The following BLTP3A variants were observed in gnomAD, a reference collection of about 807,000 sequenced individuals.
BLTP3A encodes ICBP90 binding protein 1.
chr6:34,819,814 TAGTG>T, the BLTP3A span, among the ~76,000 whole-genome samples: 1 of 152,036 alleles, frequency 6.6e-6, no homozygotes, highest in Non-Finnish European at 1.5e-5. Context: ...CAGTGAGAAA[TAGTG>T]AGAGGACTGG....
At chr6:34,861,473 T>C in the BLTP3A span, among the ~76,000 whole-genome samples, 1 of 152,194 alleles carries the variant, frequency 6.6e-6, no homozygotes, top group Non-Finnish European at 1.5e-5. Flanking sequence ...GTTTATCGTG[T>C]TGACAGTGTA....
chr6:34,864,285 G>A, the BLTP3A span: 37 of 1,262,670 alleles, frequency 2.9e-5, no homozygotes, highest in Non-Finnish European at 3.8e-5. Flanking sequence ...GGCTAAAGAG[G>A]AGCTGAGAGA....
chr6:34,792,282 A>C, the BLTP3A span: 1 of 1,545,040 alleles, frequency 6.5e-7, no homozygotes. Context: ...CAGATCCTGA[A>C]ACACCTGTCC....
chr6:34,867,431 T>C, the BLTP3A span: 1 of 1,613,658 alleles, frequency 6.2e-7, no homozygotes, highest in Middle Eastern at 1.7e-4. Flanking sequence ...GGCTGAGAGC[T>C]TGGGACTTAA....
chr6:34,809,659 G>C, the BLTP3A span, among the ~76,000 whole-genome samples: 1 of 151,942 alleles, frequency 6.6e-6, no homozygotes, highest in Non-Finnish European at 1.5e-5. Context: ...TCTGCCTCCC[G>C]GGTTCAAGCG....
chr6:34,857,977 G>A, the BLTP3A span: 1 of 1,585,146 alleles, frequency 6.3e-7, no homozygotes, highest in Non-Finnish European at 8.6e-7. Context: ...TTTTCCAATG[G>A]ATATAATCCA....
At chr6:34,825,317 T>TC in the BLTP3A span, among the ~76,000 whole-genome samples, 1,143 of 152,046 alleles carry the variant, frequency 7.5e-3, 21 homozygotes, top group African/African-American at 0.025. Context: ...CTTTTTTTTT[T>TC]CTTTTTTGAG....
chr6:34,814,984 G>C, the BLTP3A span, among the ~76,000 whole-genome samples: 44 of 152,238 alleles, frequency 2.9e-4, no homozygotes, highest in African/African-American at 9.9e-4. Context: ...GAGCACACCT[G>C]GGTTCATACT....
At chr6:34,839,830 C>T in the BLTP3A span, among the ~76,000 whole-genome samples, 3 of 152,242 alleles carry the variant, frequency 2.0e-5, no homozygotes, top group Non-Finnish European at 2.9e-5. Flanking sequence ...CAACCCAGTT[C>T]CTGGCTCTCC....
the BLTP3A span, chr6:34,856,325 A>G: frequency 5.0e-6 from 8 of 1,614,196 alleles, no homozygotes; most frequent in Non-Finnish European, 6.8e-6. Context: ...GGAATTTCAG[A>G]GCAAAATGGA....
the BLTP3A span, chr6:34,792,216 G>A: frequency 6.5e-7 from 1 of 1,530,700 alleles, no homozygotes; most frequent in Non-Finnish European, 8.8e-7. Context: ...ACAGCTGCCG[G>A]CCCACCCGCC....
chr6:34,874,415 C>T, the BLTP3A span: 70,558 of 152,144 alleles, frequency 0.46, 21,610 homozygotes, highest in African/African-American at 0.85. Context: ...TAGTTCCAGC[C>T]ACTCGGGAGG....
the BLTP3A span, chr6:34,835,350 C>G: frequency 6.1e-5 from 99 of 1,614,138 alleles, 1 homozygote; most frequent in East Asian, 8.9e-5. Flanking sequence ...ATGACCTGCT[C>G]TGGGTGCTGA....
the BLTP3A span, among the ~76,000 whole-genome samples, chr6:34,818,198 A>G: frequency 2.0e-5 from 3 of 152,132 alleles, no homozygotes; most frequent in Admixed American, 1.3e-4. Flanking sequence ...GCCGGGTACA[A>G]TGGCTCACAT....
At chr6:34,798,594 C>CTTTCTTTTTTTTTTTTTT in the BLTP3A span, among the ~76,000 whole-genome samples, 8 of 94,498 alleles carry the variant, frequency 8.5e-5, no homozygotes, top group Non-Finnish European at 1.6e-4. Flanking sequence ...TTCTTTCTTT[C>CTTTCTTTTTTTTTTTTTT]TTTTTTTTTT....
chr6:34,817,870 G>T, the BLTP3A span, among the ~76,000 whole-genome samples: 3 of 109,154 alleles, frequency 2.7e-5, no homozygotes, highest in Non-Finnish European at 3.7e-5. Context: ...TTTTTTTTTG[G>T]GGGGGTGGAG....
the BLTP3A span, among the ~76,000 whole-genome samples, chr6:34,814,424 A>ATT: frequency 2.0e-5 from 3 of 152,008 alleles, no homozygotes; most frequent in Admixed American, 6.6e-5. Context: ...GGCAGTATCC[A>ATT]TTTTTTGTTG....
the BLTP3A span, among the ~76,000 whole-genome samples, chr6:34,815,602 C>A: frequency 6.6e-6 from 1 of 151,984 alleles, no homozygotes; most frequent in Non-Finnish European, 1.5e-5. Flanking sequence ...GGATATTGAT[C>A]TGGTCCAGCC....
the BLTP3A span, chr6:34,877,235 C>G: frequency 6.6e-6 from 1 of 152,594 alleles, no homozygotes; most frequent in East Asian, 1.9e-4. Context: ...GAAAGCTTCA[C>G]GAGAGAACAG....
Sources: gnomAD v4.1 joint callset for allele counts (sites outside exome capture counted in the v4.1 genomes callset) on GRCh38, gnomAD v4.1.1 for gene constraint, MANE v1.5 for transcripts, NCBI Gene and HGNC (gene_info 2026-07-23, HGNC 2026-07-21) for gene names.